Variants in AKAP13 observed in about 807,000 individuals in gnomAD.
AKAP13 encodes the protein A-kinase anchoring protein 13.
In AKAP13, 80 loss-of-function variants were observed where a neutral mutation model predicts 264.5. That is an observed-to-expected ratio of 0.30 (90% CI 0.25 to 0.36). The LOEUF (loss-of-function observed/expected upper bound fraction) is 0.36, where lower values mean the gene tolerates loss of function less well. Among genes scored for constraint, AKAP13 ranks in the 10% least tolerant of loss-of-function variants. The pLI is 1.00. For missense variants in AKAP13, 3,712 were observed against 3,435.2 expected, an observed-to-expected ratio of 1.08 and a Z score of -2.01; for synonymous variants, 1,380 against 1,250.2, an observed-to-expected ratio of 1.10 and a Z score of -2.19.
chr15:85,729,953 C>CAAAAA (rs1370290693), intron 29 of AKAP13, among the ~76,000 whole-genome samples: 1 of 148,556 alleles, frequency 6.7e-6, no homozygotes, highest in Non-Finnish European at 1.5e-5. Context: ...TCTCAAAAAA[C>CAAAAA]AAAAACAAAA....
intron 8 of AKAP13, among the ~76,000 whole-genome samples, chr15:85,619,043 G>A (rs916461544): frequency 6.6e-6 from 1 of 152,048 alleles, no homozygotes; most frequent in African/African-American, 2.4e-5. Flanking sequence ...CATTGTACAC[G>A]CTTGTGGTGT....
intron 19 of AKAP13, among the ~76,000 whole-genome samples, chr15:85,711,557 A>G (rs186985597): frequency 1.8e-4 from 27 of 152,282 alleles, no homozygotes; most frequent in African/African-American, 5.3e-4. Context: ...ATTGTACGCT[A>G]TTGTTTCAGA....
intron 10 of AKAP13, among the ~76,000 whole-genome samples, chr15:85,652,855 C>T (rs1412786823): frequency 6.6e-6 from 1 of 152,194 alleles, no homozygotes; most frequent in African/African-American, 2.4e-5. Flanking sequence ...TTTTGTGTCT[C>T]TTCTCCTCTT....
chr15:85,585,472 C>T (rs1051841992), intron 7 of AKAP13, among the ~76,000 whole-genome samples: 1 of 152,184 alleles, frequency 6.6e-6, no homozygotes, highest in African/African-American at 2.4e-5. Flanking sequence ...ATTGGATCCT[C>T]GCTTAGTTCC....
chr15:85,714,773 T>C (rs1038766569), intron 19 of AKAP13, among the ~76,000 whole-genome samples: 2 of 152,026 alleles, frequency 1.3e-5, no homozygotes, highest in Non-Finnish European at 2.9e-5. Flanking sequence ...TTGAGACCAG[T>C]CTGGCCAACG....
At position 85,724,370 on chromosome 15, in the gene AKAP13, A is replaced by G. The variant is rs936713847; in HGVS notation, c.6745+1050A>G. 1.3e-5 allele frequency among the ~76,000 whole-genome samples: 2 copies of G among 152,170 alleles called. No homozygotes were observed. Among genetic ancestry groups the G allele is most frequent in the African/African-American group, 4.8e-5 (2 of 41,442 alleles). On this transcript the variant is annotated intron_variant, in intron 26 of 36. Transcript: ENST00000394518. The surrounding 1 kb of genome is among the most constrained non-coding windows in gnomAD (Gnocchi z 4.2). ...GTGGTGAGTGCTGGAATGGAGGAGA[A>G]AGCAAGAGGAATAGCAATAGAGTCA... is the stretch of plus-strand genomic sequence containing the variant.
At chr15:85,623,104 G>A (rs144502193) in intron 8 of AKAP13, among the ~76,000 whole-genome samples, 1 of 152,022 alleles carries the variant, frequency 6.6e-6, no homozygotes, top group Non-Finnish European at 1.5e-5. Context: ...TTTTCTATCA[G>A]TGTTTTAAAA....
At chr15:85,525,798 T>C (rs1430025043) in intron 3 of AKAP13, among the ~76,000 whole-genome samples, 3 of 152,114 alleles carry the variant, frequency 2.0e-5, no homozygotes, top group South Asian at 4.1e-4. Flanking sequence ...TGAAGATAAT[T>C]GTTGGGGTGG....
intron 10 of AKAP13, among the ~76,000 whole-genome samples, chr15:85,649,375 C>T (rs1174928236): frequency 6.6e-6 from 1 of 152,214 alleles, no homozygotes; most frequent in African/African-American, 2.4e-5. Flanking sequence ...GTGGCACTGG[C>T]AGATAGGCCA....
rs760440401 is a variant in AKAP13, at chr15:85,579,449, T to A, written c.1381T>A (p.Ser461Thr). Residue 461 changes from serine to threonine, a missense_variant, in exon 7 of 37, where the codon TCT becomes ACT. Around this residue, in one of 3 missense-constraint regions of AKAP13, gnomAD observed 2,759 missense variants for 2,411.7 expected, o/e 1.14. Coordinates refer to ENST00000394518, the MANE Select transcript of AKAP13 (RefSeq NM_007200.5). ...GGAGCCAGGCACAGCCCAGTATTCC[T>A]CTGGAGGTGAACTGGGAGGCATTTC... Reference protein sequence around the residue: ...VMEPGTAQYSSGGELGGISTT... With the variant: ...VMEPGTAQYSTGGELGGISTT... 1.2e-6 allele frequency: 2 copies of A among 1,614,188 alleles called. No homozygotes were observed. The highest frequency in any genetic ancestry group is 4.5e-5 in the East Asian group (2 of 44,878).
intron 8 of AKAP13, 128 bp from the exon 9 acceptor site, chr15:85,639,246 C>A: frequency 1.6e-6 from 1 of 635,962 alleles, no homozygotes; most frequent in Admixed American, 2.9e-5. Flanking sequence ...TTTCCCTTGA[C>A]ATAAGTTTGC....
intron 8 of AKAP13, chr15:85,620,245 T>G (rs1225268898): frequency 5.8e-6 from 8 of 1,387,682 alleles, no homozygotes; most frequent in Non-Finnish European, 7.9e-6. Flanking sequence ...GGTAGCCATG[T>G]CCCTGGCCCT....
At chr15:85,405,255 T>G (rs2150851681) in intron 1 of AKAP13, among the ~76,000 whole-genome samples, 1 of 152,328 alleles carries the variant, frequency 6.6e-6, no homozygotes, top group South Asian at 2.1e-4. Context: ...CTTCGTATGG[T>G]GTTAGTCTTT....
chr15:85,404,515 A>G (rs544465739), intron 1 of AKAP13, among the ~76,000 whole-genome samples: 6 of 152,346 alleles, frequency 3.9e-5, no homozygotes, highest in East Asian at 1.9e-4. Context: ...CTAGGGACAC[A>G]CAAAATGTTC....
Position 85,482,919 on chromosome 15 carries a change from G to A in AKAP13, c.-11-2791G>A, listed in dbSNP as rs533957962. ...AGATACATTCTTTTCAGCAGCCTGTGTTGCCAGCATAACAATGACCTGTCC... is the reference window on the plus strand; with the variant it reads ...AGATACATTCTTTTCAGCAGCCTGTATTGCCAGCATAACAATGACCTGTCC... On this transcript the variant is annotated intron_variant, in intron 1 of 36. Coordinates refer to ENST00000394518, the MANE Select transcript of AKAP13 (RefSeq NM_007200.5). Among the ~76,000 whole-genome samples the A allele has an allele frequency of 3.0e-4, 46 of 152,302 alleles. 1 individual carries two copies. The highest frequency in any genetic ancestry group is 2.5e-3 in the East Asian group (13 of 5,192).
At chr15:85,476,485 G>A (rs534124856) in intron 1 of AKAP13, among the ~76,000 whole-genome samples, 252 of 152,314 alleles carry the variant, frequency 1.7e-3, no homozygotes, top group African/African-American at 5.7e-3. Flanking sequence ...ATTCATAACA[G>A]GCAAGAAGAA....
intron 5 of AKAP13, chr15:85,555,565 G>C: frequency 9.7e-7 from 1 of 1,035,942 alleles, no homozygotes; most frequent in South Asian, 1.3e-5. Context: ...CTGGCTTTTT[G>C]CTGTAACTCA....
intron 5 of AKAP13, among the ~76,000 whole-genome samples, chr15:85,564,509 ATAATC>A (rs796478776): frequency 3.9e-5 from 6 of 152,248 alleles, no homozygotes; most frequent in South Asian, 2.1e-4. Flanking sequence ...CATTAATACA[ATAATC>A]TAATATATAG....
At chr15:85,729,981 C>T (rs1221963839) in intron 29 of AKAP13, among the ~76,000 whole-genome samples, 2 of 151,968 alleles carry the variant, frequency 1.3e-5, no homozygotes, top group Non-Finnish European at 1.5e-5. Context: ...AAAAAGAAGA[C>T]AGCTCAGGAT....
Sources: allele counts gnomAD v4.1 joint callset (sites outside exome capture counted in the v4.1 genomes callset), GRCh38; gene constraint gnomAD v4.1.1; regional missense constraint gnomAD v4.1.1; non-coding constraint Gnocchi (gnomAD v3.1); transcripts MANE v1.5; gene names NCBI Gene and HGNC (gene_info 2026-07-23, HGNC 2026-07-21).